The following ARID4B variants were observed in gnomAD, a reference collection of about 807,000 sequenced individuals.
ARID4B encodes the protein AT-rich interactive domain-containing protein 4B.
A neutral mutation model predicts 147.5 loss-of-function variants in ARID4B; 26 were observed. The observed-to-expected ratio is 0.18, with a 90% confidence interval of 0.13 to 0.24. The LOEUF (loss-of-function observed/expected upper bound fraction) is 0.24. Ranked by LOEUF, ARID4B falls within the 10% of genes least tolerant of loss-of-function variation. ARID4B has a pLI of 1.00. For missense variants in ARID4B, 1,179 were observed against 1,511.5 expected (o/e 0.78, Z 3.65); for synonymous variants, 512 against 507.9 (o/e 1.01, Z -0.11).
At chr1:235,261,369 TA>T (rs1486406130) in intron 2 of ARID4B, among the ~76,000 whole-genome samples, 1 of 151,892 alleles carries the variant, frequency 6.6e-6, no homozygotes, top group Non-Finnish European at 1.5e-5. Context: ...AATAAAAAAA[TA>T]AAAACTGGCT....
chr1:235,304,123 G>A (rs1673380495), intron 2 of ARID4B, among the ~76,000 whole-genome samples: 2 of 152,234 alleles, frequency 1.3e-5, no homozygotes, highest in African/African-American at 2.4e-5. Context: ...TTGGAAGGCT[G>A]CGGTGGACAG....
chr1:235,302,164 A>AAAC (rs1673202224), intron 2 of ARID4B, among the ~76,000 whole-genome samples: 1 of 146,332 alleles, frequency 6.8e-6, no homozygotes, highest in Non-Finnish European at 1.5e-5. Context: ...AAAAAAAAAA[A>AAAC]AAAAAAAAAA....
At chr1:235,176,572 T>C (rs1206283012) in intron 21 of ARID4B, among the ~76,000 whole-genome samples, 2 of 151,708 alleles carry the variant, frequency 1.3e-5, no homozygotes, top group African/African-American at 2.4e-5. Context: ...CCACCACTGG[T>C]TGACACATAT....
At chr1:235,319,423 C>A (rs1253189885) in intron 2 of ARID4B, among the ~76,000 whole-genome samples, 1 of 152,092 alleles carries the variant, frequency 6.6e-6, no homozygotes, top group East Asian at 1.9e-4. Flanking sequence ...GAAGCAGGAT[C>A]ACATGAGCCC....
intron 6 of ARID4B, among the ~76,000 whole-genome samples, chr1:235,252,500 T>C (rs1669707185): frequency 6.6e-6 from 1 of 152,200 alleles, no homozygotes. Flanking sequence ...AAGCCCATTG[T>C]ATTTTCTCTG....
chr1:235,203,362 AT>A (rs1375557614), intron 17 of ARID4B, among the ~76,000 whole-genome samples: 2 of 152,240 alleles, frequency 1.3e-5, no homozygotes, highest in African/African-American at 4.8e-5. Context: ...CTTAAACCCA[AT>A]TTTAAAAGAA....
At chr1:235,201,804 A>T (rs1288827629) in intron 17 of ARID4B, among the ~76,000 whole-genome samples, 1 of 151,976 alleles carries the variant, frequency 6.6e-6, no homozygotes, top group Non-Finnish European at 1.5e-5. Flanking sequence ...GAATCACTTG[A>T]TCCCAGAAGG....
intron 19 of ARID4B, among the ~76,000 whole-genome samples, chr1:235,186,474 G>T (rs1214903208): frequency 6.1e-5 from 9 of 147,602 alleles, no homozygotes; most frequent in Non-Finnish European, 1.2e-4. Flanking sequence ...GCGCTGGCAA[G>T]ATCTCAGTTC....
At position 235,219,897 on chromosome 1, in the gene ARID4B, T is replaced by C. The variant is rs1226325242; in HGVS notation, c.1479A>G (p.Lys493=). 1 of 1,597,836 alleles carries C rather than the reference T, an allele frequency of 6.3e-7. No homozygotes were observed. The highest frequency in any genetic ancestry group is 1.3e-5 in the African/African-American group (1 of 74,520). Residue 493 remains lysine, a synonymous_variant, in exon 16 of 24, where the codon AAA becomes AAG. Coordinates refer to ENST00000264183, the MANE Select transcript of ARID4B (RefSeq NM_016374.6). The part of the protein sequence containing the change: ...SDQEKEVNIK[K]PEDNENLDDK... ...CATCCAGATTTTCATTGTCTTCTGG[T>C]TTTTTAATGTTAACTTCTTTTTCCT...
chr1:235,168,658 G>A lies in ARID4B; in HGVS notation c.3812-6C>T. On this transcript the variant is annotated splice_polypyrimidine_tract_variant and splice_region_variant and intron_variant, in intron 23 of 23. Transcript: ENST00000264183. ...GGATGAGGATGTAGCAGCACCTAAGGAAAAGGGAGACCAAACCAAGAGCTT... is the reference window on the plus strand; with the variant it reads ...GGATGAGGATGTAGCAGCACCTAAGAAAAAGGGAGACCAAACCAAGAGCTT... The A allele has an allele frequency of 6.2e-7, 1 of 1,610,960 alleles. No individual in the cohort carries two copies. The highest frequency in any genetic ancestry group is 1.3e-5 in the African/African-American group (1 of 74,934).
At chr1:235,252,447 C>A (rs1025725869) in intron 6 of ARID4B, among the ~76,000 whole-genome samples, 1 of 152,120 alleles carries the variant, frequency 6.6e-6, no homozygotes, top group African/African-American at 2.4e-5. Context: ...TAGTTATTTA[C>A]AAATTTTAAG....
At chr1:235,247,806 T>C (rs1465941140) in intron 6 of ARID4B, among the ~76,000 whole-genome samples, 1 of 151,990 alleles carries the variant, frequency 6.6e-6, no homozygotes, top group African/African-American at 2.4e-5. Flanking sequence ...CTGACCAACA[T>C]GGAGAAACCC....
chr1:235,168,690 A>G lies in ARID4B; in HGVS notation c.3812-38T>C, dbSNP rs774162959. 5 of 1,591,822 alleles carry G rather than the reference A, an allele frequency of 3.1e-6. No individual in the cohort carries two copies. The East Asian group carries it at 1.1e-4, about 36-fold the overall frequency. ...GAGACCAAACCAAGAGCTTAATAAAAATTTATGTCTAACAATAGACAGAAA... is the reference window on the plus strand; with the variant it reads ...GAGACCAAACCAAGAGCTTAATAAAGATTTATGTCTAACAATAGACAGAAA... On this transcript the variant is annotated intron_variant, in intron 23 of 23. Transcript: ENST00000264183.
intron 2 of ARID4B, among the ~76,000 whole-genome samples, chr1:235,302,153 G>GAAAAAAAGAAAAA (rs1673197041): frequency 3.3e-5 from 1 of 30,666 alleles, no homozygotes. Flanking sequence ...TCAAAAAACG[G>GAAAAAAAGAAAAA]AAAAAAAAAA....
chr1:235,168,221 A>G lies in ARID4B; in HGVS notation c.*304T>C, dbSNP rs1663079770. ...TTAACATGTTCTGACCCACCCCTTAACTATGCTTACTGTATTGTCTCTACA... is the reference window on the plus strand; with the variant it reads ...TTAACATGTTCTGACCCACCCCTTAGCTATGCTTACTGTATTGTCTCTACA... On this transcript the variant is annotated 3_prime_UTR_variant, in exon 24 of 24. Coordinates refer to ENST00000264183, the MANE Select transcript of ARID4B (RefSeq NM_016374.6). The G allele has an allele frequency of 3.7e-6, 1 of 273,142 alleles. No individual in the cohort carries two copies. The highest frequency in any genetic ancestry group is 7.0e-6 in the Non-Finnish European group (1 of 143,162). 16.9% of individuals were successfully genotyped at this position (273,142 alleles called of 1,614,324 possible). A position where few individuals can be genotyped will look rare whatever the true frequency, so the allele number is the denominator to read the frequency against.
intron 16 of ARID4B, among the ~76,000 whole-genome samples, chr1:235,214,681 A>G (rs907692538): frequency 2.6e-5 from 4 of 152,130 alleles, no homozygotes; most frequent in Admixed American, 6.5e-5. Flanking sequence ...TCTTTCCTTT[A>G]AACTTCAACA....
At chr1:235,227,391 C>A (rs7548564) in intron 11 of ARID4B, among the ~76,000 whole-genome samples, 19,920 of 152,088 alleles carry the variant, frequency 0.13, 1,512 homozygotes, top group African/African-American at 0.2. Context: ...AGGGAGAAGA[C>A]TGAAGCAGGG....
chr1:235,231,294 T>C (rs1371354286), intron 9 of ARID4B, 105 bp from the exon 10 acceptor site: 5 of 624,158 alleles, frequency 8.0e-6, no homozygotes, highest in South Asian at 2.6e-5. Context: ...ACTGAAAATA[T>C]GGGAATGTTG....
At chr1:235,236,833 A>ATATATATATATATATAT (rs1668597409) in intron 8 of ARID4B, among the ~76,000 whole-genome samples, 4 of 33,518 alleles carry the variant, frequency 1.2e-4, no homozygotes, top group African/African-American at 6.0e-4. Context: ...TTTTATAAAA[A>ATATATATATATATATAT]ATATATATAT....
Sources: gnomAD v4.1 joint callset for allele counts (sites outside exome capture counted in the v4.1 genomes callset) on GRCh38, gnomAD v4.1.1 for gene constraint, MANE v1.5 for transcripts, NCBI Gene and HGNC (gene_info 2026-07-23, HGNC 2026-07-21) for gene names.